The following SNX29 variants were observed in gnomAD, a reference collection of about 807,000 sequenced individuals.
SNX29 encodes the protein sorting nexin-29.
A neutral mutation model predicts 102.1 loss-of-function variants in SNX29; 78 were observed. The ratio of observed to expected loss-of-function variants is 0.76; its 90% CI spans 0.64 to 0.92. The LOEUF (loss-of-function observed/expected upper bound fraction) is 0.92. SNX29 is among the 40% of genes least tolerant of loss of function. The probability of loss-of-function intolerance (pLI) is 0.00; values close to 1 mark genes in which losing one functional copy is unlikely to be tolerated. For synonymous variants in SNX29, 580 were observed against 414.5 expected (o/e 1.40, Z -4.85); for missense variants, 1,280 against 1,061.7 (o/e 1.21, Z -2.86).
chr16:12,357,189 C>G lies in SNX29; in HGVS notation c.1899+910C>G, dbSNP rs186476124. 1.5e-3 allele frequency among the ~76,000 whole-genome samples: 229 copies of G among 152,250 alleles called. 1 individual carries two copies. Among genetic ancestry groups the G allele is most frequent in the African/African-American group, 4.9e-3 (203 of 41,532 alleles). On this transcript the variant is annotated intron_variant, in intron 16 of 20. Transcript: ENST00000566228. ...ACATTCAGGCAGGCTGTGTAATGCACGCTCATATATCCTTTGTCAGGGTGA... is the reference window on the plus strand; with the variant it reads ...ACATTCAGGCAGGCTGTGTAATGCAGGCTCATATATCCTTTGTCAGGGTGA...
At chr16:12,445,461 G>T (rs1015122418) in intron 18 of SNX29, among the ~76,000 whole-genome samples, 5 of 152,214 alleles carry the variant, frequency 3.3e-5, no homozygotes, top group African/African-American at 1.2e-4. Context: ...CTCCCTGAGG[G>T]TAGGGCTCTC....
At chr16:12,466,217 A>C (rs1267380508) in intron 18 of SNX29, among the ~76,000 whole-genome samples, 1 of 152,238 alleles carries the variant, frequency 6.6e-6, no homozygotes, top group Admixed American at 6.5e-5. Context: ...CTCTATTTGC[A>C]GATGATATCA....
At chr16:12,345,491 A>G (rs1245581739) in intron 15 of SNX29, among the ~76,000 whole-genome samples, 2 of 152,202 alleles carry the variant, frequency 1.3e-5, no homozygotes, top group Non-Finnish European at 2.9e-5. Flanking sequence ...CCGAACTCAG[A>G]TATCATGGGT....
rs2079122269 is a variant in SNX29, at chr16:12,568,843, T to A, written c.*214T>A. The A allele has an allele frequency of 4.3e-6, 3 of 698,586 alleles. No homozygotes were observed. In the Admixed American group the frequency reaches 9.4e-5, roughly 22 times the overall value. The allele number at this position is 698,586 out of a possible 1,614,324, so 43.3% of individuals were successfully genotyped here. ...CCGAGAGACCAAGGCAGCACCTCGC[T>A]GGAGAGACTGGGACACACAGTCCTT... On this transcript the variant is annotated 3_prime_UTR_variant, in exon 21 of 21. Transcript: ENST00000566228.
chr16:12,199,516 A>G, intron 13 of SNX29, 85 bp from the exon 14 acceptor site: 1 of 1,174,276 alleles, frequency 8.5e-7, no homozygotes, highest in Non-Finnish European at 1.2e-6. Flanking sequence ...CTTTACACAA[A>G]TTCACCACCC....
chr16:12,146,106 T>C (rs2055055694), intron 13 of SNX29, among the ~76,000 whole-genome samples: 1 of 152,242 alleles, frequency 6.6e-6, no homozygotes, highest in Non-Finnish European at 1.5e-5. Context: ...CTTAGGGTAC[T>C]TGGTGGTTTC....
Position 12,042,992 on chromosome 16 carries a change from G to A in SNX29, c.343G>A (p.Gly115Ser), listed in dbSNP as rs567319689. 6.2e-7 allele frequency: 1 copy of A among 1,613,732 alleles called. No homozygotes were observed. Among genetic ancestry groups the A allele is most frequent in the Non-Finnish European group, 8.5e-7 (1 of 1,179,868 alleles). ...CCACATCGCCTCAGACGTGGGCCGG[G>A]GTCGCGCCTGGCTGCGCTGTGCCCT... is the stretch of plus-strand genomic sequence containing the variant. Reference protein sequence around the residue: ...LRHIASDVGRGRAWLRCALNE... With the variant: ...LRHIASDVGRSRAWLRCALNE... Residue 115 changes from glycine to serine, a missense_variant, in exon 5 of 21, where the codon GGT (glycine) becomes AGT (serine). Coordinates refer to ENST00000566228, the MANE Select transcript of SNX29 (RefSeq NM_032167.5).
intron 10 of SNX29, among the ~76,000 whole-genome samples, chr16:12,076,219 A>G (rs1338717933): frequency 6.6e-6 from 1 of 152,012 alleles, no homozygotes; most frequent in African/African-American, 2.4e-5. Flanking sequence ...TCAGATGCAA[A>G]TGCAGAAATC....
chr16:12,455,402 G>C (rs1366675648), intron 18 of SNX29, among the ~76,000 whole-genome samples: 1 of 152,108 alleles, frequency 6.6e-6, no homozygotes, highest in Non-Finnish European at 1.5e-5. Flanking sequence ...CTGCATACCG[G>C]CTTGGCCAGC....
intron 14 of SNX29, 70 bp downstream of exon 14, chr16:12,199,753 A>G (rs2141966293): frequency 1.6e-6 from 2 of 1,254,516 alleles, no homozygotes; most frequent in East Asian, 2.5e-5. Context: ...GTGGCACGCA[A>G]TAGACACTCA....
At chr16:12,329,650 T>A (rs1230146890) in intron 15 of SNX29, among the ~76,000 whole-genome samples, 1 of 152,240 alleles carries the variant, frequency 6.6e-6, no homozygotes, top group African/African-American at 2.4e-5. Flanking sequence ...CCTTCGTGTC[T>A]ATCCATGCCA....
chr16:12,083,718 G>C (rs1395433054), intron 11 of SNX29, among the ~76,000 whole-genome samples: 1 of 152,182 alleles, frequency 6.6e-6, no homozygotes, highest in African/African-American at 2.4e-5. Context: ...TGCATGTGAA[G>C]CACCTGAGAT....
At chr16:12,390,720 C>T (rs961479145) in intron 16 of SNX29, among the ~76,000 whole-genome samples, 1 of 151,982 alleles carries the variant, frequency 6.6e-6, no homozygotes, top group Admixed American at 6.6e-5. Flanking sequence ...ATGGTTCTTG[C>T]AGGATCCTAT....
intron 10 of SNX29, among the ~76,000 whole-genome samples, chr16:12,078,434 A>C (rs2051693228): frequency 6.6e-6 from 1 of 152,074 alleles, no homozygotes; most frequent in African/African-American, 2.4e-5. Context: ...GAGATCACGC[A>C]AAAGAAAGAA....
chr16:12,383,897 A>G (rs963699987), intron 16 of SNX29, among the ~76,000 whole-genome samples: 24 of 148,658 alleles, frequency 1.6e-4, no homozygotes, highest in African/African-American at 2.2e-4. Flanking sequence ...TCTGGTAACT[A>G]TCATTCTACT....
intron 18 of SNX29, among the ~76,000 whole-genome samples, chr16:12,450,609 G>T (rs914058732): frequency 6.6e-6 from 1 of 152,318 alleles, no homozygotes; most frequent in Admixed American, 6.5e-5. Context: ...GGAAGACGGA[G>T]GCTTCCCGGA....
chr16:12,157,564 T>C (rs1049410067), intron 13 of SNX29, among the ~76,000 whole-genome samples: 1 of 152,216 alleles, frequency 6.6e-6, no homozygotes, highest in African/African-American at 2.4e-5. Context: ...GTAAAGGGTC[T>C]TATGCCTTTA....
chr16:12,572,652 C>T lies in SNX29; in HGVS notation c.*4023C>T. On this transcript the variant is annotated 3_prime_UTR_variant, in exon 21 of 21. Coordinates refer to ENST00000566228, the MANE Select transcript of SNX29 (RefSeq NM_032167.5). ...CATCCTTCATTCCTCCACCAAGCTC[C>T]TGTGTGAGCTGCAGCACCCACACGG... 3 of 1,063,958 alleles carry T rather than the reference C, an allele frequency of 2.8e-6. No homozygotes were observed. The highest frequency in any genetic ancestry group is 3.4e-6 in the Non-Finnish European group (3 of 878,474). The allele number at this position is 1,063,958 out of a possible 1,614,324, so 65.9% of individuals were successfully genotyped here.
chr16:12,485,106 A>G (rs189762928), intron 19 of SNX29, among the ~76,000 whole-genome samples: 1 of 152,354 alleles, frequency 6.6e-6, no homozygotes, highest in Admixed American at 6.5e-5. Flanking sequence ...AAAAGTGAGT[A>G]CATAAACTTT....
Sources: allele counts gnomAD v4.1 joint callset (sites outside exome capture counted in the v4.1 genomes callset), GRCh38; gene constraint gnomAD v4.1.1; transcripts MANE v1.5; gene names NCBI Gene and HGNC (gene_info 2026-07-23, HGNC 2026-07-21).